PSD4: variants seen among roughly 807,000 people sequenced by gnomAD.
The protein encoded by PSD4 is PH and SEC7 domain-containing protein 4.
A neutral mutation model predicts 112.5 loss-of-function variants in PSD4; 59 were observed. The observed-to-expected ratio is 0.52, with a 90% CI of 0.43 to 0.65. The LOEUF (loss-of-function observed/expected upper bound fraction) is 0.65. Ranked by LOEUF, PSD4 falls within the 30% of genes least tolerant of loss-of-function variation. PSD4 has a pLI of 0.00. For missense variants in PSD4, 1,267 were observed against 1,352.6 expected (o/e 0.94, Z 0.99); for synonymous variants, 533 against 540.0 (o/e 0.99, Z 0.18).
intron 9 of PSD4, 25 bp downstream of exon 9, chr2:113,193,675 T>G (rs1433731623): frequency 6.2e-7 from 1 of 1,606,842 alleles, no homozygotes; most frequent in Admixed American, 1.7e-5. Flanking sequence ...AGAGTCCCTG[T>G]GGGAACTGAG....
At position 113,197,918 on chromosome 2, in the gene PSD4, G is replaced by A; in HGVS notation, c.2624+5G>A. On this transcript the variant is annotated splice_donor_5th_base_variant and intron_variant, in intron 14 of 16. Transcript: ENST00000245796. Reference sequence around the variant, plus strand: ...CCTCTACCTCTTCCAGGCACCGTAAGTCCCTGGGGTGGGAGACTGTGGCAA... The same window carrying A: ...CCTCTACCTCTTCCAGGCACCGTAAATCCCTGGGGTGGGAGACTGTGGCAA... 1 of 1,565,344 alleles carries A rather than the reference G, an allele frequency of 6.4e-7. No homozygotes were observed. The highest frequency in any genetic ancestry group is 8.7e-7 in the Non-Finnish European group (1 of 1,150,030).
chr2:113,174,491 A>G (rs1183500632), intron 1 of PSD4, among the ~76,000 whole-genome samples: 1 of 151,866 alleles, frequency 6.6e-6, no homozygotes, highest in East Asian at 1.9e-4. Context: ...GTCCCAAGTG[A>G]TTCTCGACCC....
intron 5 of PSD4, 24 bp downstream of exon 5, chr2:113,186,279 T>C (rs770469783): frequency 1.6e-5 from 24 of 1,538,810 alleles, no homozygotes; most frequent in Non-Finnish European, 2.1e-5. Flanking sequence ...TAACTGGCTC[T>C]CATGCTCCTA....
intron 16 of PSD4, among the ~76,000 whole-genome samples, chr2:113,199,855 T>G (rs1303619955): frequency 2.0e-5 from 3 of 152,218 alleles, no homozygotes; most frequent in African/African-American, 7.2e-5. Context: ...AGACAAAGTC[T>G]CGCTCTGTCG....
chr2:113,193,699 G>A (rs760818477), intron 9 of PSD4, 49 bp downstream of exon 9: 1 of 1,588,246 alleles, frequency 6.3e-7, no homozygotes, highest in South Asian at 1.1e-5. Context: ...GTAACAAGGG[G>A]TGCGGGGAGG....
intron 12 of PSD4, 196 bp from the exon 13 acceptor site, chr2:113,197,368 G>T: frequency 1.5e-6 from 1 of 648,380 alleles, no homozygotes; most frequent in Non-Finnish European, 2.8e-6. Context: ...CATTGCCTGT[G>T]TGTGGAGAGA....
intron 1 of PSD4, among the ~76,000 whole-genome samples, chr2:113,175,628 A>G (rs1687953403): frequency 6.6e-6 from 1 of 152,026 alleles, no homozygotes; most frequent in Non-Finnish European, 1.5e-5. Flanking sequence ...TACCTTTTCC[A>G]TAGGAGGGAA....
chr2:113,201,090 C>T, intron 16 of PSD4, 68 bp from the exon 17 acceptor site: 1 of 1,542,306 alleles, frequency 6.5e-7, no homozygotes, highest in Non-Finnish European at 8.7e-7. Context: ...AGCTGTCCCT[C>T]ACGATTCTAG....
chr2:113,176,884 C>T (rs1468029337), intron 1 of PSD4, among the ~76,000 whole-genome samples: 1 of 152,192 alleles, frequency 6.6e-6, no homozygotes, highest in Non-Finnish European at 1.5e-5. Flanking sequence ...TGAGATCAGA[C>T]CGCCCTCACC....
chr2:113,180,952 T>C (rs902264148), intron 1 of PSD4, among the ~76,000 whole-genome samples: 2 of 151,734 alleles, frequency 1.3e-5, no homozygotes, highest in Non-Finnish European at 2.9e-5. Flanking sequence ...GTGCAGCGGC[T>C]CACACCTATA....
Position 113,196,275 on chromosome 2 carries a change from G to A in PSD4, c.2354G>A (p.Arg785Gln), listed in dbSNP as rs139776921. 9.9e-6 allele frequency: 16 copies of A among 1,613,720 alleles called. No homozygotes were observed. Among genetic ancestry groups the A allele is most frequent in the Middle Eastern group, 1.7e-4 (1 of 6,058 alleles). ...ACCTACAAGCAGGGCATCCTGGCTC[G>A]GAAAATGCATCAAGATGCAGACGGC... ...VPTYKQGILA[R>Q]KMHQDADGKK... Residue 785 changes from arginine (R) to glutamine (Q), a missense_variant, in exon 12 of 17, where the codon CGG becomes CAG. Physicochemically the swap from Arg to Gln is conservative, Grantham distance 43. Around this residue, in one of 2 missense-constraint regions of PSD4, gnomAD observed 544 missense variants for 648.6 expected, o/e 0.84. Transcript: ENST00000245796.
Position 113,193,848 on chromosome 2 carries a change from C to T in PSD4, c.2092-11C>T, listed in dbSNP as rs199890821. On this transcript the variant is annotated splice_polypyrimidine_tract_variant and intron_variant, in intron 9 of 16. Coordinates refer to ENST00000245796, the MANE Select transcript of PSD4 (RefSeq NM_012455.3). ...GTGTGCTCGAGTCATCCCACTTCTC[C>T]GTGGCTACAGAACATTGGGAAGAGC... is the stretch of plus-strand genomic sequence containing the variant. 2.2e-3 allele frequency: 3,566 copies of T among 1,613,324 alleles called. 5 individuals carry two copies. Among genetic ancestry groups the T allele is most frequent in the Non-Finnish European group, 2.9e-3 (3,419 of 1,179,330 alleles).
chr2:113,197,046 T>G, intron 12 of PSD4: 1 of 194,940 alleles, frequency 5.1e-6, no homozygotes, highest in South Asian at 9.0e-5. Flanking sequence ...CCAAGGAGCT[T>G]AGAATGGATC....
At chr2:113,195,703 C>A (rs1475811191) in intron 10 of PSD4, 24 bp from the exon 11 acceptor site, 1 of 1,614,082 alleles carries the variant, frequency 6.2e-7, no homozygotes, top group East Asian at 2.2e-5. Context: ...GGCTCCCCTG[C>A]CCACCTGTGT....
intron 1 of PSD4, among the ~76,000 whole-genome samples, chr2:113,176,779 GA>G (rs1687992523): frequency 6.6e-6 from 1 of 152,234 alleles, no homozygotes; most frequent in Non-Finnish European, 1.5e-5. Flanking sequence ...AGATGCGTAA[GA>G]CCTGGGCTCT....
At chr2:113,184,018 C>T (rs1688222008) in intron 2 of PSD4, among the ~76,000 whole-genome samples, 1 of 152,208 alleles carries the variant, frequency 6.6e-6, no homozygotes, top group African/African-American at 2.4e-5. Context: ...TGTCATTATT[C>T]CCCTGTCCAG....
intron 16 of PSD4, among the ~76,000 whole-genome samples, chr2:113,199,542 G>A (rs1399954412): frequency 2.0e-5 from 3 of 152,236 alleles, no homozygotes; most frequent in Admixed American, 2.0e-4. Context: ...TTTCTCCTAA[G>A]AGTATATTTG....
At chr2:113,179,796 T>C (rs1212290231) in intron 1 of PSD4, among the ~76,000 whole-genome samples, 3 of 152,132 alleles carry the variant, frequency 2.0e-5, no homozygotes, top group Non-Finnish European at 2.9e-5. Flanking sequence ...AAAGGGCCTC[T>C]CCTCTCGGAA....
chr2:113,179,847 A>G (rs1169419812), intron 1 of PSD4, among the ~76,000 whole-genome samples: 1 of 152,204 alleles, frequency 6.6e-6, no homozygotes, highest in Non-Finnish European at 1.5e-5. Flanking sequence ...AACAGGTGGA[A>G]GGGCCCTGAA....
Sources: gnomAD v4.1 joint callset for allele counts (sites outside exome capture counted in the v4.1 genomes callset) on GRCh38, gnomAD v4.1.1 for gene constraint, gnomAD v4.1.1 regional missense constraint, MANE v1.5 for transcripts, NCBI Gene and HGNC (gene_info 2026-07-23, HGNC 2026-07-21) for gene names.